The following ITGA1 variants were observed in gnomAD, a reference collection of about 807,000 sequenced individuals.
The protein encoded by ITGA1 is integrin subunit alpha 1.
In ITGA1, 85 loss-of-function variants were observed where a neutral mutation model predicts 145.9. That is an observed-to-expected ratio of 0.58 (90% CI 0.49 to 0.70). ITGA1 has a LOEUF of 0.70. Among genes scored for constraint, ITGA1 ranks in the 30% least tolerant of loss-of-function variants. The pLI, the probability that ITGA1 is intolerant of heterozygous loss-of-function variation, is 0.00. For missense variants in ITGA1, 1,351 were observed against 1,418.7 expected, an observed-to-expected ratio of 0.95 and a Z score of 0.77; for synonymous variants, 520 against 495.3, an observed-to-expected ratio of 1.05 and a Z score of -0.66.
intron 13 of ITGA1, among the ~76,000 whole-genome samples, chr5:52,909,288 T>G (rs1750461182): frequency 6.6e-6 from 1 of 151,884 alleles, no homozygotes; most frequent in African/African-American, 2.4e-5. Flanking sequence ...ATAAAGGAGG[T>G]AAATATAAAT....
At chr5:52,872,747 T>C (rs1749797648) in intron 6 of ITGA1, among the ~76,000 whole-genome samples, 1 of 152,064 alleles carries the variant, frequency 6.6e-6, no homozygotes, top group South Asian at 2.1e-4. Context: ...TGCTGTGCTC[T>C]TGTTACTTGC....
At chr5:52,809,695 G>A (rs993340820) in intron 1 of ITGA1, among the ~76,000 whole-genome samples, 3 of 151,784 alleles carry the variant, frequency 2.0e-5, no homozygotes, top group African/African-American at 4.8e-5. Context: ...TAGTAGAGAC[G>A]GGGTTTCACC....
chr5:52,954,327 T>G lies in ITGA1; in HGVS notation c.*1876T>G, dbSNP rs921058407. On this transcript the variant is annotated 3_prime_UTR_variant, in exon 29 of 29. Transcript: ENST00000282588. The stretch of plus-strand genomic sequence containing the variant: ...TTCTCTGATCTCAGCAAGATCTTAG[T>G]AGTAAAGCTAACGGATCCATTGAAA... The G allele has an allele frequency of 6.6e-6, 1 of 152,186 alleles. No homozygotes were observed. Among genetic ancestry groups the G allele is most frequent in the Non-Finnish European group, 1.5e-5 (1 of 68,052 alleles). The allele number at this position is 152,186 out of a possible 1,614,324, so 9.4% of individuals were successfully genotyped here. A position where few individuals can be genotyped will look rare whatever the true frequency, so the allele number is the denominator to read the frequency against.
rs140781149 is a variant in ITGA1 at position 52,943,299 on chromosome 5, G to C, written c.3286-1644G>C. 4.6e-5 allele frequency among the ~76,000 whole-genome samples: 7 copies of C among 152,286 alleles called. No homozygotes were observed. The East Asian group carries it at 1.4e-3, about 29-fold the overall frequency. On this transcript the variant is annotated intron_variant, in intron 26 of 28. Transcript: ENST00000282588. ...GTGCTGATTCTTTCTCATCTTGGGG[G>C]ACTGATGTTCTTCAACTGTGGTGTA...
rs1249015505 is a variant in ITGA1 at position 52,955,421 on chromosome 5, A to G, written c.*2970A>G. ...TTGATAGAGAACATGTTGTGTCTATATACATATCCAATGACACACAGTATA... is the reference window on the plus strand; with the variant it reads ...TTGATAGAGAACATGTTGTGTCTATGTACATATCCAATGACACACAGTATA... On this transcript the variant is annotated 3_prime_UTR_variant, in exon 29 of 29. Coordinates refer to ENST00000282588, the MANE Select transcript of ITGA1 (RefSeq NM_181501.2). The G allele has an allele frequency of 6.6e-6, 1 of 152,250 alleles. No homozygotes were observed. The highest frequency in any genetic ancestry group is 1.5e-5 in the Non-Finnish European group (1 of 68,034). The allele number at this position is 152,250 out of a possible 1,614,324, so 9.4% of individuals were successfully genotyped here. A position where few individuals can be genotyped will look rare whatever the true frequency, so the allele number is the denominator to read the frequency against.
At chr5:52,802,379 A>G (rs2111668059) in intron 1 of ITGA1, 1 of 152,346 alleles carries the variant, frequency 6.6e-6, no homozygotes, top group Middle Eastern at 3.4e-3. Context: ...GTAGACTTGA[A>G]GACAAGTTTT....
intron 2 of ITGA1, among the ~76,000 whole-genome samples, chr5:52,857,513 C>T (rs976001276): frequency 2.0e-5 from 3 of 151,750 alleles, no homozygotes; most frequent in Admixed American, 6.6e-5. Context: ...CCATCTCCCT[C>T]ATTTTTAGCC....
chr5:52,820,042 A>G (rs1291029025), intron 1 of ITGA1, among the ~76,000 whole-genome samples: 1 of 134,212 alleles, frequency 7.5e-6, no homozygotes, highest in Non-Finnish European at 1.6e-5. Flanking sequence ...TGTTTTGGTT[A>G]CTGTAGCCTT....
intron 2 of ITGA1, among the ~76,000 whole-genome samples, chr5:52,854,494 T>C (rs1749477275): frequency 6.6e-6 from 1 of 152,176 alleles, no homozygotes. Flanking sequence ...GGTCACTGTG[T>C]AAGTTTCATT....
At chr5:52,821,275 CAA>C (rs1748874891) in intron 1 of ITGA1, among the ~76,000 whole-genome samples, 1 of 152,152 alleles carries the variant, frequency 6.6e-6, no homozygotes, top group Non-Finnish European at 1.5e-5. Context: ...CAATGTTTCT[CAA>C]AGTTATCTCC....
At chr5:52,790,117 C>T (rs1370256597) in intron 1 of ITGA1, among the ~76,000 whole-genome samples, 1 of 152,124 alleles carries the variant, frequency 6.6e-6, no homozygotes. Context: ...ATTCAGAGTC[C>T]GTTTGTAACC....
intron 1 of ITGA1, among the ~76,000 whole-genome samples, chr5:52,822,882 G>C (rs537128801): frequency 6.6e-6 from 1 of 152,274 alleles, no homozygotes; most frequent in South Asian, 2.1e-4. Context: ...ACTTAAACTA[G>C]CCACAGTATA....
intron 1 of ITGA1, among the ~76,000 whole-genome samples, chr5:52,844,632 T>C (rs1464847297): frequency 6.6e-6 from 1 of 152,190 alleles, no homozygotes; most frequent in Admixed American, 6.5e-5. Flanking sequence ...GTACACAATA[T>C]AGTTATTATT....
intron 1 of ITGA1, among the ~76,000 whole-genome samples, chr5:52,837,968 G>A (rs1749186976): frequency 6.6e-6 from 1 of 152,152 alleles, no homozygotes; most frequent in South Asian, 2.1e-4. Flanking sequence ...CCAAGCTACT[G>A]AGACTTTTCT....
Position 52,864,834 on chromosome 5 carries a change from C to CTTT in ITGA1, c.367_368insTTT (p.Pro123delinsLeuSer), listed in dbSNP as rs1430130992. 2 of 1,609,458 alleles carry CTTT rather than the reference C, an allele frequency of 1.2e-6. No individual in the cohort carries two copies. Among genetic ancestry groups the CTTT allele is most frequent in the South Asian group, 2.2e-5 (2 of 90,838 alleles). On this transcript the variant is annotated protein_altering_variant, in exon 4 of 29. Coordinates refer to ENST00000282588, the MANE Select transcript of ITGA1 (RefSeq NM_181501.2). ...ATTTGGATCAACTTTAGTCACCAAC[C>CTTT]CAAATGGAGGATTTCTGGTAAGAAT...
intron 14 of ITGA1, among the ~76,000 whole-genome samples, chr5:52,911,641 G>C (rs1437902166): frequency 1.1e-5 from 1 of 94,804 alleles, no homozygotes; most frequent in African/African-American, 4.2e-5. Flanking sequence ...ACTATATATA[G>C]TGTATCTACT....
In ITGA1 at chr5:52,957,354, G is replaced by A. The variant is rs1214390534; in HGVS notation, c.*4903G>A. The A allele has an allele frequency of 2.6e-5, 4 of 152,258 alleles. No individual in the cohort carries two copies. The highest frequency in any genetic ancestry group is 1.9e-4 in the East Asian group (1 of 5,172). 9.4% of individuals were successfully genotyped at this position (152,258 alleles called of 1,614,324 possible). ...TCTGCACCTTACATCAGGCACCCGG[G>A]AATGCTTCTCATTGAAATTTTACCA... On this transcript the variant is annotated 3_prime_UTR_variant, in exon 29 of 29. Transcript: ENST00000282588.
chr5:52,815,336 G>A (rs1031261357), intron 1 of ITGA1, among the ~76,000 whole-genome samples: 1 of 152,178 alleles, frequency 6.6e-6, no homozygotes, highest in Non-Finnish European at 1.5e-5. Flanking sequence ...GGGGAAAACA[G>A]TAGAGGAGAC....
At chr5:52,947,952 A>G (rs1226847108) in intron 28 of ITGA1, among the ~76,000 whole-genome samples, 1 of 152,184 alleles carries the variant, frequency 6.6e-6, no homozygotes, top group Admixed American at 6.5e-5. Flanking sequence ...TTAAATATAT[A>G]TGGCACATTT....
Sources: allele counts gnomAD v4.1 joint callset (sites outside exome capture counted in the v4.1 genomes callset), GRCh38; gene constraint gnomAD v4.1.1; transcripts MANE v1.5; gene names NCBI Gene and HGNC (gene_info 2026-07-23, HGNC 2026-07-21).